Variants in JMJD6 observed in about 807,000 individuals in gnomAD.
The protein encoded by JMJD6 is jumonji domain containing 6, arginine demethylase and lysine hydroxylase, also known as bifunctional arginine demethylase and lysyl-hydroxylase JMJD6.
JMJD6 carries 17 observed loss-of-function variants against 45.8 expected under a neutral mutation model. That is an observed-to-expected ratio of 0.37 (90% CI 0.25 to 0.56). The LOEUF is 0.56. Ranked by LOEUF, JMJD6 falls within the 20% of genes least tolerant of loss-of-function variation. The pLI is 0.79. For missense variants in JMJD6, 470 were observed against 517.5 expected, an observed-to-expected ratio of 0.91 and a Z score of 0.89; for synonymous variants, 221 against 196.3, an observed-to-expected ratio of 1.13 and a Z score of -1.05.
downstream of JMJD6, among the ~76,000 whole-genome samples, chr17:76,717,753 G>A (rs1466430416): frequency 2.6e-5 from 4 of 152,104 alleles, no homozygotes; most frequent in African/African-American, 4.8e-5. Flanking sequence ...CACTTTGGGA[G>A]GCCAAGGTGG....
chr17:76,725,938 G>C, intron 1 of JMJD6, 83 bp from the exon 2 acceptor site: 1 of 1,459,248 alleles, frequency 6.9e-7, no homozygotes. Flanking sequence ...AGGCCAACTG[G>C]TAATGACAAA....
intron 5 of JMJD6, among the ~76,000 whole-genome samples, chr17:76,719,171 G>C (rs2076794070): frequency 1.3e-5 from 2 of 152,166 alleles, no homozygotes; most frequent in African/African-American, 4.8e-5. Context: ...TACATTATAA[G>C]ATTTCACTCT....
In JMJD6 at chr17:76,718,713, C is replaced by G. The variant is rs1279313638; in HGVS notation, c.*16G>C. On this transcript the variant is annotated 3_prime_UTR_variant, in exon 6 of 6. Transcript: ENST00000397625. ...CCGCGAGCGTGTCCTTCCATACAGACAACAGCCTTGCTGGGTCACCTGGAG... is the reference window on the plus strand; with the variant it reads ...CCGCGAGCGTGTCCTTCCATACAGAGAACAGCCTTGCTGGGTCACCTGGAG... The G allele has an allele frequency of 1.2e-6, 2 of 1,612,786 alleles. No individual in the cohort carries two copies. Among genetic ancestry groups the G allele is most frequent in the Non-Finnish European group, 1.7e-6 (2 of 1,179,266 alleles).
downstream of JMJD6, chr17:76,716,397 G>A (rs1205347636): frequency 1.3e-5 from 5 of 388,350 alleles, no homozygotes; most frequent in Admixed American, 2.0e-4. Flanking sequence ...TGCCAGCCTT[G>A]TGGTTGACTG....
At chr17:76,721,729 T>C (rs952502209) in intron 4 of JMJD6, 69 bp downstream of exon 4, 1 of 1,512,996 alleles carries the variant, frequency 6.6e-7, no homozygotes, top group African/African-American at 1.4e-5. Context: ...ATCGCAGCAG[T>C]GGACTAGCCA....
intron 4 of JMJD6, chr17:76,721,295 G>T: frequency 2.2e-6 from 1 of 450,978 alleles, no homozygotes; most frequent in South Asian, 1.5e-5. Flanking sequence ...TCAGGGTTGG[G>T]ACACAGTGGC....
intron 3 of JMJD6, among the ~76,000 whole-genome samples, chr17:76,722,845 CAAAAAAAAAAAA>C (rs71158058): frequency 2.3e-5 from 1 of 43,264 alleles, no homozygotes; most frequent in Non-Finnish European, 3.5e-5. Flanking sequence ...GACTTGGTCT[CAAAAAAAAAAAA>C]AAAAAAAAAA....
chr17:76,718,512 C>A lies in JMJD6; in HGVS notation c.*217G>T. 7.4e-7 allele frequency: 1 copy of A among 1,358,848 alleles called. No individual in the cohort carries two copies. The highest frequency in any genetic ancestry group is 9.4e-7 in the Non-Finnish European group (1 of 1,059,332). 84.2% of individuals were successfully genotyped at this position (1,358,848 alleles called of 1,614,324 possible). A position where few individuals can be genotyped will look rare whatever the true frequency, so the allele number is the denominator to read the frequency against. On this transcript the variant is annotated 3_prime_UTR_variant, in exon 6 of 6. Transcript: ENST00000397625. ...GGATTTTCTTGGCACTATTCACATT[C>A]TCTTGCCTGAGTAAAACAAGCCGCG... is the stretch of plus-strand genomic sequence containing the variant.
Position 76,724,202 on chromosome 17 carries a change from C to T in JMJD6, c.519-144G>A, listed in dbSNP as rs2076866292. 3 of 827,282 alleles carry T rather than the reference C, an allele frequency of 3.6e-6. No homozygotes were observed. In the South Asian group the frequency reaches 5.4e-5, roughly 15 times the overall value. 51.2% of individuals were successfully genotyped at this position (827,282 alleles called of 1,614,324 possible). A position where few individuals can be genotyped will look rare whatever the true frequency, so the allele number is the denominator to read the frequency against. On this transcript the variant is annotated intron_variant, in intron 2 of 5. Transcript: ENST00000397625. ...GTGGCGTGATCTTGGCTGACAGTAA[C>T]CTCTGCTTCCCCAGGTTCATGTGAT...
chr17:76,717,440 T>C (rs2076773221), downstream of JMJD6, among the ~76,000 whole-genome samples: 2 of 152,200 alleles, frequency 1.3e-5, no homozygotes, highest in African/African-American at 2.4e-5. Flanking sequence ...CCTAGACAAA[T>C]GCAGAGTGAA....
downstream of JMJD6, chr17:76,714,395 G>T (rs183264501): frequency 1.0e-3 from 158 of 152,326 alleles, no homozygotes; most frequent in Non-Finnish European, 7.9e-4. Context: ...CTTTACTGTT[G>T]TTGGCACCAT....
chr17:76,714,669 TCTGTACTATCCAGACA>T (rs2076752134), downstream of JMJD6: 1 of 152,284 alleles, frequency 6.6e-6, no homozygotes, highest in Non-Finnish European at 1.5e-5. Flanking sequence ...GAGCACAGAA[TCTGTACTATCCAGACA>T]CTGTACTATC....
downstream of JMJD6, among the ~76,000 whole-genome samples, chr17:76,717,744 A>C (rs1326474162): frequency 6.6e-6 from 1 of 151,476 alleles, no homozygotes; most frequent in Non-Finnish European, 1.5e-5. Context: ...TAATACCAGC[A>C]CTTTGGGAGG....
chr17:76,725,406 CAAAAAAA>C (rs36106744), intron 2 of JMJD6, 54 bp downstream of exon 2: 14 of 951,426 alleles, frequency 1.5e-5, no homozygotes, highest in African/African-American at 7.8e-5. Context: ...CGCTCTGTCT[CAAAAAAA>C]AAAAAAAAAA....
intron 2 of JMJD6, 125 bp from the exon 3 acceptor site, chr17:76,724,183 T>G: frequency 1.0e-6 from 1 of 993,930 alleles, no homozygotes; most frequent in South Asian, 1.6e-5. Context: ...TGCAGTGGCG[T>G]GATCTTGGCT....
At position 76,721,780 on chromosome 17, in the gene JMJD6, G is replaced by GA. The variant is rs764531571; in HGVS notation, c.941+17dup. 3.2e-5 allele frequency: 52 copies of GA among 1,608,046 alleles called. 1 individual carries two copies. The Middle Eastern group carries it at 8.3e-4, about 26-fold the overall frequency. On this transcript the variant is annotated intron_variant, in intron 4 of 5. Transcript: ENST00000397625. ...CGAAATTGAAACCAAGCAGAAATAA[G>GA]AAAAAAATGACTCTCACCTATACCA...
In JMJD6 at chr17:76,723,876, G is replaced by C. The variant is rs760776909; in HGVS notation, c.701C>G (p.Thr234Ser). The stretch of plus-strand genomic sequence containing the variant: ...CCGGGGATAAATAACATTAAACCAG[G>C]TAATAGCTTCGTCTTGCTGGTTCCC... ...EGGNQQDEAI[T>S]WFNVIYPRTQ... Residue 234 changes from threonine to serine, a missense_variant, in exon 3 of 6, where the codon ACC (threonine) becomes AGC (serine). Thr to Ser is a moderately conservative substitution (Grantham distance 58, BLOSUM62 1). This residue lies in a region of JMJD6 where 346 missense variants were observed against 339.5 expected (regional missense o/e 1.02). Coordinates refer to ENST00000397625, the MANE Select transcript of JMJD6 (RefSeq NM_015167.3). 5.0e-5 allele frequency: 81 copies of C among 1,614,038 alleles called. No individual in the cohort carries two copies. The highest frequency in any genetic ancestry group is 6.6e-5 in the Non-Finnish European group (78 of 1,180,040).
intron 4 of JMJD6, 140 bp from the exon 5 acceptor site, chr17:76,720,638 G>T (rs1328142064): frequency 1.2e-5 from 9 of 761,158 alleles, no homozygotes; most frequent in African/African-American, 1.7e-5. Context: ...CTGTACAATG[G>T]TGAGGACAAA....
intron 2 of JMJD6, among the ~76,000 whole-genome samples, chr17:76,724,730 T>A (rs2076878715): frequency 6.6e-6 from 1 of 151,616 alleles, no homozygotes; most frequent in Non-Finnish European, 1.5e-5. Flanking sequence ...GACAGGAGGA[T>A]TGCTTGAACC....
Sources: allele counts gnomAD v4.1 joint callset (sites outside exome capture counted in the v4.1 genomes callset), GRCh38; gene constraint gnomAD v4.1.1; regional missense constraint gnomAD v4.1.1; transcripts MANE v1.5; gene names NCBI Gene and HGNC (gene_info 2026-07-23, HGNC 2026-07-21).